Variants in PZP observed in about 807,000 individuals in gnomAD.
PZP encodes the protein PZP alpha-2-macroglobulin like.
In PZP, 150 loss-of-function variants were observed where a neutral mutation model predicts 179.8. The observed-to-expected ratio is 0.83, with a 90% CI of 0.73 to 0.96. The LOEUF is 0.96. PZP is among the 40% of genes least tolerant of loss of function. PZP has a pLI of 0.00. For synonymous variants in PZP, 624 were observed against 652.3 expected (o/e 0.96, Z 0.66); for missense variants, 1,689 against 1,764.0 (o/e 0.96, Z 0.76).
chr12:9,149,417 C>T (rs1288634315), intron 35 of PZP, 144 bp downstream of exon 35: 20 of 732,212 alleles, frequency 2.7e-5, no homozygotes, highest in South Asian at 2.3e-4. Context: ...AGGCATGCTA[C>T]GCCACAGTTT....
At chr12:9,143,882 AG>A (rs1480157899), downstream of PZP, among the ~76,000 whole-genome samples, 1 of 152,184 alleles carries the variant, frequency 6.6e-6, no homozygotes, top group Non-Finnish European at 1.5e-5. Context: ...GAAGAAGCCT[AG>A]GGTGTCTGTT....
intron 7 of PZP, among the ~76,000 whole-genome samples, chr12:9,199,391 A>G (rs964974109): frequency 1.3e-5 from 2 of 152,158 alleles, no homozygotes; most frequent in African/African-American, 4.8e-5. Context: ...GAAAAGGAGA[A>G]AGTGAAATTT....
chr12:9,201,884 AG>A (rs1478439190), intron 4 of PZP, among the ~76,000 whole-genome samples: 2 of 152,082 alleles, frequency 1.3e-5, no homozygotes, highest in Admixed American at 6.6e-5. Flanking sequence ...AGCATAAAAA[AG>A]TCTTTGTGTA....
intron 10 of PZP, among the ~76,000 whole-genome samples, chr12:9,194,626 A>G (rs758702219): frequency 2.2e-4 from 34 of 151,884 alleles, no homozygotes; most frequent in East Asian, 1.2e-3. Context: ...CACCCCGCCC[A>G]GCTAATTTTT....
At chr12:9,155,348 T>C (rs1007509823) in intron 28 of PZP, among the ~76,000 whole-genome samples, 4 of 152,228 alleles carry the variant, frequency 2.6e-5, no homozygotes, top group Non-Finnish European at 5.9e-5. Context: ...TTGTAACCTC[T>C]TCCAGAGTTA....
At chr12:9,179,929 C>T (rs757780147) in intron 15 of PZP, among the ~76,000 whole-genome samples, 1 of 152,182 alleles carries the variant, frequency 6.6e-6, no homozygotes, top group Non-Finnish European at 1.5e-5. Flanking sequence ...AATCACATCT[C>T]AGCTTGTGCC....
Position 9,153,366 on chromosome 12 carries a change from C to T in PZP, c.3775-23G>A, listed in dbSNP as rs377663004. On this transcript the variant is annotated intron_variant, in intron 29 of 35. Transcript: ENST00000261336. The stretch of plus-strand genomic sequence containing the variant: ...GTCCTGGAAGAGACGAGTGGACAAC[C>T]GCCCCAAAGAGTAAATTTTTGGCAT... The T allele has an allele frequency of 2.6e-5, 42 of 1,586,614 alleles. 1 individual carries two copies. Among genetic ancestry groups the T allele is most frequent in the African/African-American group, 1.8e-4 (13 of 74,080 alleles).
chr12:9,140,063 G>A, the PZP span, among the ~76,000 whole-genome samples: 1 of 152,142 alleles, frequency 6.6e-6, no homozygotes, highest in East Asian at 1.9e-4. Flanking sequence ...GGCTGGGGAG[G>A]GGTTTATTTT....
intron 15 of PZP, among the ~76,000 whole-genome samples, chr12:9,175,860 G>T (rs1942328188): frequency 6.6e-6 from 1 of 152,130 alleles, no homozygotes; most frequent in Non-Finnish European, 1.5e-5. Context: ...ACTGTTGTGG[G>T]GAGTGTAAAT....
intron 15 of PZP, among the ~76,000 whole-genome samples, chr12:9,172,898 G>T (rs1942096242): frequency 6.6e-6 from 1 of 152,160 alleles, no homozygotes. Context: ...ACACACCACT[G>T]ACAATATTAG....
In PZP at chr12:9,200,376, G is replaced by A; in HGVS notation, c.743C>T (p.Thr248Ile). 1.9e-6 allele frequency: 3 copies of A among 1,606,000 alleles called. No homozygotes were observed. Among genetic ancestry groups the A allele is most frequent in the Non-Finnish European group, 2.6e-6 (3 of 1,173,178 alleles). Residue 248 changes from threonine to isoleucine, a missense_variant, in exon 7 of 36, where the codon ACA becomes ATA. Thr to Ile is a moderately conservative substitution (Grantham distance 89). Around this residue, in one of 3 missense-constraint regions of PZP, gnomAD observed 742 missense variants for 730.5 expected, o/e 1.02. Transcript: ENST00000261336. ...CAATGTAACTCACTCTCCACAGACT[G>A]TTATGTTCACTTTTTCATCCATGAT... The part of the protein sequence containing the change: ...ISIMDEKVNI[T>I]VCGEYTYGKP...
downstream of PZP, among the ~76,000 whole-genome samples, chr12:9,148,386 A>C (rs1013881527): frequency 6.6e-6 from 1 of 152,122 alleles, no homozygotes; most frequent in Admixed American, 6.5e-5. Context: ...CACCACTGTT[A>C]CTTTTATCTT....
rs1259419984 is a variant in PZP, at chr12:9,193,590, T to C, written c.1254+487A>G. Reference sequence around the variant, plus strand: ...ACGTGAAACTGAGAAACAGAAATAATGTATATGTTATTTATTGACACTGAA... The same window carrying C: ...ACGTGAAACTGAGAAACAGAAATAACGTATATGTTATTTATTGACACTGAA... On this transcript the variant is annotated intron_variant, in intron 11 of 35. Coordinates refer to ENST00000261336, the MANE Select transcript of PZP (RefSeq NM_002864.3). 2.0e-5 allele frequency among the ~76,000 whole-genome samples: 3 copies of C among 152,166 alleles called. No homozygotes were observed. In the East Asian group the frequency reaches 5.8e-4, roughly 29 times the overall value.
intron 15 of PZP, among the ~76,000 whole-genome samples, chr12:9,179,206 A>C (rs1942592537): frequency 6.6e-6 from 1 of 152,166 alleles, no homozygotes; most frequent in South Asian, 2.1e-4. Flanking sequence ...CTTCCTTCTG[A>C]TAATTATTCT....
intron 26 of PZP, 150 bp downstream of exon 26, chr12:9,158,270 C>T: frequency 8.1e-7 from 1 of 1,240,242 alleles, no homozygotes; most frequent in Non-Finnish European, 1.1e-6. Flanking sequence ...TCTTCCTTCT[C>T]TGTAGAAAGT....
intron 25 of PZP, among the ~76,000 whole-genome samples, 181 bp from the exon 26 acceptor site, chr12:9,158,757 C>CTCTTTTTTTTTTTTTTTTTTCTTTTTT (rs1940953198): frequency 8.0e-6 from 1 of 125,434 alleles, no homozygotes; most frequent in Admixed American, 8.7e-5. Flanking sequence ...CTTTTCTTTT[C>CTCTTTTTTTTTTTTTTTTTTCTTTTTT]TTTTTTTTTT....
chr12:9,200,734 T>C (rs1293565086), intron 6 of PZP, among the ~76,000 whole-genome samples, 158 bp downstream of exon 6: 1 of 152,232 alleles, frequency 6.6e-6, no homozygotes. Context: ...AGCAAGCTCT[T>C]ATGAGCTTCT....
chr12:9,153,167 T>C lies in PZP; in HGVS notation c.3951A>G (p.Glu1317=). Reference sequence around the variant, plus strand: ...TTTCCCCAGTTACTGTTATGACATATTCTCCAGGGAGCTCTGGCAATGAGA... The same window carrying C: ...TTTCCCCAGTTACTGTTATGACATACTCTCCAGGGAGCTCTGGCAATGAGA... ...QQISLPELPG[E]YVITVTGERC... The change falls in exon 30 of 36, where the codon GAA becomes GAG. Residue 1317 remains glutamate, a synonymous_variant. Transcript: ENST00000261336. 6.2e-7 allele frequency: 1 copy of C among 1,614,220 alleles called. No homozygotes were observed. The highest frequency in any genetic ancestry group is 1.1e-5 in the South Asian group (1 of 91,086).
intron 22 of PZP, 135 bp from the exon 23 acceptor site, chr12:9,161,251 A>T: frequency 1.5e-6 from 1 of 662,056 alleles, no homozygotes; most frequent in Non-Finnish European, 2.5e-6. Flanking sequence ...CCTTGGGTAA[A>T]TTGTGATGAT....
Sources: allele counts gnomAD v4.1 joint callset (sites outside exome capture counted in the v4.1 genomes callset), GRCh38; gene constraint gnomAD v4.1.1; regional missense constraint gnomAD v4.1.1; transcripts MANE v1.5; gene names NCBI Gene and HGNC (gene_info 2026-07-23, HGNC 2026-07-21).